The following NF1 variants were observed in gnomAD, a reference collection of about 807,000 sequenced individuals.
NF1 encodes neurofibromin.
Under a neutral mutation model 325.7 loss-of-function variants are expected in NF1, and 122 were observed. The ratio of observed to expected loss-of-function variants is 0.37; its 90% confidence interval spans 0.32 to 0.44. NF1 has a LOEUF of 0.44. Among genes scored for constraint, NF1 ranks in the 20% least tolerant of loss-of-function variants. The pLI, the probability that NF1 is intolerant of heterozygous loss-of-function variation, is 1.00. For missense variants in NF1, 2,140 were observed against 3,415.4 expected (o/e 0.63, Z 9.31); for synonymous variants, 1,091 against 1,186.0 (o/e 0.92, Z 1.65).
At chr17:31,265,032 C>T (rs1164591313) in intron 35 of NF1, among the ~76,000 whole-genome samples, 197 bp from the exon 36 acceptor site, 1 of 152,142 alleles carries the variant, frequency 6.6e-6, no homozygotes, top group East Asian at 1.9e-4. Flanking sequence ...TTAGAATAGT[C>T]CTAAAAGTGC....
At chr17:31,244,835 C>A (rs906212041) in intron 29 of NF1, among the ~76,000 whole-genome samples, 1 of 152,108 alleles carries the variant, frequency 6.6e-6, no homozygotes, top group Non-Finnish European at 1.5e-5. Context: ...GATGGTTGTT[C>A]AAGTTGGTGT....
At chr17:31,357,862 C>T (rs1185471762) in intron 54 of NF1, 1 of 165,008 alleles carries the variant, frequency 6.1e-6, no homozygotes, top group African/African-American at 2.4e-5. Flanking sequence ...TATATCATGT[C>T]ATTATTTTCT....
intron 39 of NF1, among the ~76,000 whole-genome samples, chr17:31,332,070 T>G (rs2069512249): frequency 1.3e-5 from 2 of 151,966 alleles, no homozygotes; most frequent in African/African-American, 4.8e-5. Context: ...GCGAACAGAT[T>G]TGACTACATA....
chr17:31,293,178 C>CAAAAAAAAAAAAAAAAAAAAAAAAAA lies in NF1; in HGVS notation c.4835+27847_4835+27872dup, dbSNP rs71142044. ...GGGGGATAAGAGCGAGACTTCGTCT[C>CAAAAAAAAAAAAAAAAAAAAAAAAAA]AAAAAAAAAAAAAAAAAAAAAAAAA... On this transcript the variant is annotated intron_variant, in intron 36 of 57. Transcript: ENST00000358273. Among the ~76,000 whole-genome samples the CAAAAAAAAAAAAAAAAAAAAAAAAAA allele has an allele frequency of 3.5e-4, 23 of 64,882 alleles. 1 individual carries two copies. Among genetic ancestry groups the CAAAAAAAAAAAAAAAAAAAAAAAAAA allele is most frequent in the East Asian group, 1.5e-3 (3 of 1,984 alleles). 42.6% of individuals were successfully genotyped at this position (64,882 alleles called of 152,430 possible). A position where few individuals can be genotyped will look rare whatever the true frequency, so the allele number is the denominator to read the frequency against.
intron 33 of NF1, among the ~76,000 whole-genome samples, chr17:31,259,521 A>G (rs1273355835): frequency 6.6e-6 from 1 of 152,170 alleles, no homozygotes; most frequent in Non-Finnish European, 1.5e-5. Context: ...TGTGATACTT[A>G]AATTTGGAAG....
Position 31,345,802 on chromosome 17 carries a change from G to T in NF1, c.7189+2667G>T. The T allele has an allele frequency of 4.3e-6, 7 of 1,614,172 alleles. No individual in the cohort carries two copies. In the South Asian group the frequency reaches 7.7e-5, roughly 18 times the overall value. ...CTTGATGGTTTTCCTAGGACATTAG[G>T]ACAAGCCGAAGCCCTGGACAAAATC... On this transcript the variant is annotated intron_variant, in intron 48 of 57. Transcript: ENST00000358273.
At chr17:31,356,238 C>A in intron 51 of NF1, 1 of 467,928 alleles carries the variant, frequency 2.1e-6, no homozygotes, top group South Asian at 2.1e-5. Flanking sequence ...TAATTTGCAC[C>A]AGTAAGGTGC....
At chr17:31,207,291 A>G (rs1049353853) in intron 12 of NF1, among the ~76,000 whole-genome samples, 12 of 151,758 alleles carry the variant, frequency 7.9e-5, no homozygotes, top group African/African-American at 2.9e-4. Context: ...TGTCATTTCA[A>G]CTGAAAATAT....
chr17:31,122,924 T>C (rs1914558904), intron 1 of NF1, among the ~76,000 whole-genome samples: 1 of 152,168 alleles, frequency 6.6e-6, no homozygotes, highest in Non-Finnish European at 1.5e-5. Context: ...GATCTGCATC[T>C]TTCTTTTTTT....
At chr17:31,315,823 G>A (rs1020457568) in intron 36 of NF1, among the ~76,000 whole-genome samples, 1 of 152,142 alleles carries the variant, frequency 6.6e-6, no homozygotes, top group Non-Finnish European at 1.5e-5. Context: ...CTTAACTTCA[G>A]GGTACTTATA....
At chr17:31,224,562 G>C (rs1313414460) in intron 16 of NF1, among the ~76,000 whole-genome samples, 2 of 152,218 alleles carry the variant, frequency 1.3e-5, no homozygotes, top group East Asian at 1.9e-4. Context: ...GACTTTCATG[G>C]CCTCGCCTAT....
chr17:31,248,801 G>A (rs982391928), intron 29 of NF1, among the ~76,000 whole-genome samples, 183 bp from the exon 30 acceptor site: 2 of 151,926 alleles, frequency 1.3e-5, no homozygotes, highest in African/African-American at 2.4e-5. Context: ...GGGATTGCAG[G>A]CGTAAGCCAT....
intron 12 of NF1, among the ~76,000 whole-genome samples, chr17:31,213,722 CAT>C (rs1197134857): frequency 6.6e-6 from 1 of 152,078 alleles, no homozygotes; most frequent in African/African-American, 2.4e-5. Context: ...ATAATTGAAA[CAT>C]ATTTTCTGTA....
At chr17:31,241,187 CT>C (rs1027210915) in intron 29 of NF1, among the ~76,000 whole-genome samples, 4 of 152,212 alleles carry the variant, frequency 2.6e-5, no homozygotes, top group Admixed American at 2.6e-4. Context: ...CATGGAATAT[CT>C]TTTTTCTTTG....
chr17:31,278,633 A>T (rs1488129514), intron 36 of NF1, among the ~76,000 whole-genome samples: 1 of 143,786 alleles, frequency 7.0e-6, no homozygotes, highest in Non-Finnish European at 1.5e-5. Context: ...TTTTTTTTTG[A>T]GACAGAGTTT....
chr17:31,245,540 G>C (rs1302398380), intron 29 of NF1, among the ~76,000 whole-genome samples: 1 of 152,220 alleles, frequency 6.6e-6, no homozygotes, highest in African/African-American at 2.4e-5. Flanking sequence ...TTCACCTTGA[G>C]TTGGATTAAT....
At position 31,253,015 on chromosome 17, in the gene NF1, C is replaced by T; in HGVS notation, c.4173+15C>T. On this transcript the variant is annotated intron_variant, in intron 31 of 57. Transcript: ENST00000358273. Reference sequence around the variant, plus strand: ...ACAAAAAATCAGTAAGTTTGGAGAACTTTTTATTAGCTGTTTCTTTCAAAG... The same window carrying T: ...ACAAAAAATCAGTAAGTTTGGAGAATTTTTTATTAGCTGTTTCTTTCAAAG... 1 of 1,598,558 alleles carries T rather than the reference C, an allele frequency of 6.3e-7. No homozygotes were observed. Among genetic ancestry groups the T allele is most frequent in the Non-Finnish European group, 8.6e-7 (1 of 1,166,944 alleles).
chr17:31,131,462 G>A (rs538294341), intron 1 of NF1, among the ~76,000 whole-genome samples: 4 of 152,266 alleles, frequency 2.6e-5, no homozygotes, highest in Non-Finnish European at 4.4e-5. Flanking sequence ...TTCTTCCCTC[G>A]TCAGTTCAGC....
At chr17:31,308,603 C>T (rs2068791276) in intron 36 of NF1, among the ~76,000 whole-genome samples, 1 of 151,782 alleles carries the variant, frequency 6.6e-6, no homozygotes, top group African/African-American at 2.4e-5. Context: ...ACAGACACTT[C>T]TATGCTGTTT....
Sources: gnomAD v4.1 joint callset for allele counts (sites outside exome capture counted in the v4.1 genomes callset) on GRCh38, gnomAD v4.1.1 for gene constraint, MANE v1.5 for transcripts, NCBI Gene and HGNC (gene_info 2026-07-23, HGNC 2026-07-21) for gene names.